The following PTPRC variants were observed in gnomAD, a reference collection of about 807,000 sequenced individuals.
PTPRC encodes protein tyrosine phosphatase receptor type C, also known as receptor-type tyrosine-protein phosphatase C.
PTPRC carries 44 observed loss-of-function variants against 155.9 expected under a neutral mutation model. The ratio of observed to expected loss-of-function variants is 0.28; its 90% CI spans 0.22 to 0.36. The LOEUF (loss-of-function observed/expected upper bound fraction) is 0.36, where lower values mean the gene tolerates loss of function less well. PTPRC is among the 10% of genes least tolerant of loss of function. The pLI is 1.00. For synonymous variants in PTPRC, 525 were observed against 533.1 expected, an observed-to-expected ratio of 0.98 and a Z score of 0.21; for missense variants, 1,401 against 1,564.6, an observed-to-expected ratio of 0.90 and a Z score of 1.76.
Position 198,735,148 on chromosome 1 carries a change from C to A in PTPRC, c.2299C>A (p.Pro767Thr). ...GTAGAACAAGTGTGCAGAATACTGG[C>A]CGTCAATGGAAGAGGGCACTCGGGC... ...GNRNKCAEYW[P>T]SMEEGTRAFG... Residue 767 changes from proline (P) to threonine (T), a missense_variant, in exon 23 of 33, where the codon CCG becomes ACG. Pro to Thr is a conservative substitution (Grantham distance 38). Coordinates refer to ENST00000442510, the MANE Select transcript of PTPRC (RefSeq NM_002838.5). 1 of 1,602,558 alleles carries A rather than the reference C, an allele frequency of 6.2e-7. No homozygotes were observed. Among genetic ancestry groups the A allele is most frequent in the Non-Finnish European group, 8.5e-7 (1 of 1,173,320 alleles).
At chr1:198,698,423 A>G (rs1464801045) in intron 4 of PTPRC, among the ~76,000 whole-genome samples, 1 of 152,134 alleles carries the variant, frequency 6.6e-6, no homozygotes, top group Non-Finnish European at 1.5e-5. Flanking sequence ...TATTGGAATA[A>G]AGTCTATATG....
intron 26 of PTPRC, 94 bp from the exon 27 acceptor site, chr1:198,748,015 T>A: frequency 6.7e-7 from 1 of 1,499,360 alleles, no homozygotes; most frequent in Non-Finnish European, 8.9e-7. Flanking sequence ...TCACAAAAAT[T>A]AATGAAATGC....
intron 2 of PTPRC, among the ~76,000 whole-genome samples, chr1:198,659,003 T>C (rs1441695336): frequency 6.6e-6 from 1 of 152,186 alleles, no homozygotes; most frequent in Non-Finnish European, 1.5e-5. Context: ...GAAAAGAATT[T>C]TCTTTCCAGA....
At position 198,706,873 on chromosome 1, in the gene PTPRC, A is replaced by G. The variant is rs777374286; in HGVS notation, c.825A>G (p.Glu275=). 2.5e-6 allele frequency: 4 copies of G among 1,613,676 alleles called. No individual in the cohort carries two copies. Among genetic ancestry groups the G allele is most frequent in the Non-Finnish European group, 3.4e-6 (4 of 1,179,592 alleles). Residue 275 remains glutamate, a synonymous_variant, in exon 9 of 33, where the codon GAA becomes GAG. Transcript: ENST00000442510. ...ACAATGAGGTGCATAACCTTACAGAATGTAAAAATGCGTCTGTTTCCATAT... is the reference window on the plus strand; with the variant it reads ...ACAATGAGGTGCATAACCTTACAGAGTGTAAAAATGCGTCTGTTTCCATAT... ...CTNNEVHNLT[E]CKNASVSISH...
At chr1:198,729,964 G>T (rs1654314924) in intron 17 of PTPRC, among the ~76,000 whole-genome samples, 1 of 152,082 alleles carries the variant, frequency 6.6e-6, no homozygotes, top group Admixed American at 6.6e-5. Flanking sequence ...TCCCTGCCAG[G>T]GTGGAATGGT....
intron 5 of PTPRC, 75 bp downstream of exon 5, chr1:198,699,779 A>G: frequency 1.9e-6 from 3 of 1,574,224 alleles, no homozygotes; most frequent in Non-Finnish European, 2.6e-6. Flanking sequence ...TGGTGTGAGG[A>G]AATCTAACCA....
rs191851393 is a variant in PTPRC at position 198,713,876 on chromosome 1, T to C, written c.1291+804T>C. 7.6e-3 allele frequency among the ~76,000 whole-genome samples: 1,152 copies of C among 152,278 alleles called. 13 individuals carry two copies. The highest frequency in any genetic ancestry group is 0.034 in the Middle Eastern group (10 of 294). On this transcript the variant is annotated intron_variant, in intron 12 of 32. Coordinates refer to ENST00000442510, the MANE Select transcript of PTPRC (RefSeq NM_002838.5). The stretch of plus-strand genomic sequence containing the variant: ...AGGAACCAGACATACACTTCAAAAC[T>C]TGAAAAGTGAAAGGCTATTTTTCTT...
At chr1:198,706,507 A>G (rs1212986872) in intron 8 of PTPRC, among the ~76,000 whole-genome samples, 1 of 152,216 alleles carries the variant, frequency 6.6e-6, no homozygotes, top group African/African-American at 2.4e-5. Context: ...AGGAAGACAG[A>G]CACTTATCTG....
At chr1:198,644,347 GA>G (rs905188521) in intron 2 of PTPRC, among the ~76,000 whole-genome samples, 4 of 151,052 alleles carry the variant, frequency 2.6e-5, no homozygotes, top group African/African-American at 9.7e-5. Flanking sequence ...TGATACACCA[GA>G]AAAAAAATAT....
intron 13 of PTPRC, 123 bp downstream of exon 13, chr1:198,716,963 C>A (rs767733016): frequency 1.1e-5 from 10 of 871,240 alleles, no homozygotes; most frequent in Non-Finnish European, 1.6e-5. Flanking sequence ...TTGTTAACAT[C>A]TAGGGCTTAT....
intron 13 of PTPRC, among the ~76,000 whole-genome samples, 172 bp downstream of exon 13, chr1:198,717,012 G>A (rs1183377331): frequency 6.6e-6 from 1 of 152,096 alleles, no homozygotes; most frequent in East Asian, 1.9e-4. Flanking sequence ...CCGTTATCCT[G>A]GATTCTCTCT....
At chr1:198,743,284 G>T (rs923561308) in intron 25 of PTPRC, among the ~76,000 whole-genome samples, 2 of 151,536 alleles carry the variant, frequency 1.3e-5, no homozygotes, top group African/African-American at 2.4e-5. Context: ...GCTGCCATAC[G>T]AAACATTCAA....
chr1:198,740,246 A>G (rs900966037), intron 23 of PTPRC, among the ~76,000 whole-genome samples: 1 of 151,924 alleles, frequency 6.6e-6, no homozygotes, highest in Non-Finnish European at 1.5e-5. Flanking sequence ...ATAAAAAAAT[A>G]CAAAGCATCA....
chr1:198,716,611 C>A (rs958659427), intron 12 of PTPRC, 71 bp from the exon 13 acceptor site: 1 of 1,374,414 alleles, frequency 7.3e-7, no homozygotes, highest in African/African-American at 1.4e-5. Context: ...GATGTAGAGA[C>A]CAAATTAATT....
At chr1:198,682,407 A>C (rs776132752) in intron 2 of PTPRC, among the ~76,000 whole-genome samples, 27 of 152,182 alleles carry the variant, frequency 1.8e-4, no homozygotes, top group Middle Eastern at 6.8e-3. Flanking sequence ...ATAATCTAGC[A>C]TTTATTTTCT....
chr1:198,687,934 T>C (rs1265435512), intron 2 of PTPRC, among the ~76,000 whole-genome samples: 3 of 152,164 alleles, frequency 2.0e-5, no homozygotes, highest in Non-Finnish European at 2.9e-5. Context: ...ATTTATCATG[T>C]TGACTAAAAG....
At chr1:198,689,960 C>T (rs1357994722) in intron 2 of PTPRC, among the ~76,000 whole-genome samples, 1 of 152,018 alleles carries the variant, frequency 6.6e-6, no homozygotes, top group Non-Finnish European at 1.5e-5. Flanking sequence ...CATGTTTGAA[C>T]CTAGTCTCCA....
Position 198,749,651 on chromosome 1 carries a change from T to G in PTPRC, c.3072+102T>G, listed in dbSNP as rs1325133283. 8.5e-6 allele frequency: 10 copies of G among 1,179,572 alleles called. No individual in the cohort carries two copies. The Admixed American group carries it at 9.4e-5, about 11-fold the overall frequency. The allele number at this position is 1,179,572 out of a possible 1,614,324, so 73.1% of individuals were successfully genotyped here. A position where few individuals can be genotyped will look rare whatever the true frequency, so the allele number is the denominator to read the frequency against. ...GCGATTTTATAAAAGAATAATGAGC[T>G]TGGTCATAACTACATATAGATTGAC... On this transcript the variant is annotated intron_variant, in intron 28 of 32. Coordinates refer to ENST00000442510, the MANE Select transcript of PTPRC (RefSeq NM_002838.5).
chr1:198,700,055 C>T (rs1394805040), intron 5 of PTPRC: 1 of 345,098 alleles, frequency 2.9e-6, no homozygotes, highest in African/African-American at 2.1e-5. Flanking sequence ...AGACTTTGTA[C>T]CAACAAACAA....
Sources: gnomAD v4.1 joint callset for allele counts (sites outside exome capture counted in the v4.1 genomes callset) on GRCh38, gnomAD v4.1.1 for gene constraint, MANE v1.5 for transcripts, NCBI Gene and HGNC (gene_info 2026-07-23, HGNC 2026-07-21) for gene names.